Variants in CSMD1 observed in about 807,000 individuals in gnomAD.
The protein encoded by CSMD1 is CUB and sushi domain-containing protein 1.
A neutral mutation model predicts 417.5 loss-of-function variants in CSMD1; 213 were observed. The ratio of observed to expected loss-of-function variants is 0.51; its 90% CI spans 0.46 to 0.57. The LOEUF (loss-of-function observed/expected upper bound fraction) is 0.57, where lower values mean the gene tolerates loss of function less well. CSMD1 is among the 20% of genes least tolerant of loss of function. CSMD1 has a pLI of 0.00. For missense variants in CSMD1, 6,923 were observed against 4,529.7 expected, an observed-to-expected ratio of 1.53 and a Z score of -15.17; for synonymous variants, 2,862 against 1,736.8, an observed-to-expected ratio of 1.65 and a Z score of -16.11.
intron 10 of CSMD1, among the ~76,000 whole-genome samples, chr8:3,523,382 G>A (rs560408970): frequency 7.2e-5 from 11 of 152,154 alleles, no homozygotes; most frequent in Non-Finnish European, 1.3e-4. Context: ...AACTTTGAGG[G>A]ACAAAGAAAG....
At chr8:4,402,243 C>T (rs558891644) in intron 3 of CSMD1, among the ~76,000 whole-genome samples, 1 of 152,224 alleles carries the variant, frequency 6.6e-6, no homozygotes, top group South Asian at 2.1e-4. Context: ...TCATTCCCTC[C>T]AGGAACATCA....
At chr8:4,766,450 A>C (rs1198999292) in intron 1 of CSMD1, among the ~76,000 whole-genome samples, 1 of 152,210 alleles carries the variant, frequency 6.6e-6, no homozygotes, top group Non-Finnish European at 1.5e-5. Flanking sequence ...ACAGAAGGCT[A>C]ACGTGCTTTA....
At chr8:4,113,561 C>A (rs980571390) in intron 3 of CSMD1, among the ~76,000 whole-genome samples, 1 of 152,042 alleles carries the variant, frequency 6.6e-6, no homozygotes, top group African/African-American at 2.4e-5. Flanking sequence ...CGTGCCAGCA[C>A]ACCTGGCTAA....
At chr8:3,360,488 T>A (rs948116732) in intron 20 of CSMD1, among the ~76,000 whole-genome samples, 1 of 152,232 alleles carries the variant, frequency 6.6e-6, no homozygotes, top group Non-Finnish European at 1.5e-5. Flanking sequence ...GGTTTCCTCC[T>A]TCTTGCTGTT....
At chr8:3,676,352 G>T (rs867824965) in intron 7 of CSMD1, among the ~76,000 whole-genome samples, 2 of 152,078 alleles carry the variant, frequency 1.3e-5, no homozygotes, top group Non-Finnish European at 2.9e-5. Flanking sequence ...GTGGCCGCCC[G>T]CCAGGCAGGA....
chr8:3,762,351 G>C (rs1024807549), intron 5 of CSMD1, among the ~76,000 whole-genome samples: 1 of 152,178 alleles, frequency 6.6e-6, no homozygotes, highest in Non-Finnish European at 1.5e-5. Flanking sequence ...ATGTGTTGCA[G>C]TCTCAGGGAA....
At chr8:4,802,066 G>C (rs894190696) in intron 1 of CSMD1, among the ~76,000 whole-genome samples, 1 of 152,206 alleles carries the variant, frequency 6.6e-6, no homozygotes, top group Non-Finnish European at 1.5e-5. Flanking sequence ...ATATAGCCTA[G>C]TTGAAGTTGA....
chr8:3,700,062 C>G (rs1377431780), intron 7 of CSMD1, among the ~76,000 whole-genome samples: 1 of 152,120 alleles, frequency 6.6e-6, no homozygotes, highest in Non-Finnish European at 1.5e-5. Context: ...AGAAAATATG[C>G]CTGTCCTCAT....
At chr8:3,882,603 T>C (rs980111955) in intron 5 of CSMD1, among the ~76,000 whole-genome samples, 1 of 152,204 alleles carries the variant, frequency 6.6e-6, no homozygotes, top group Non-Finnish European at 1.5e-5. Context: ...GTAGCACTAT[T>C]TGTAACCTTT....
intron 5 of CSMD1, among the ~76,000 whole-genome samples, chr8:3,775,417 T>C (rs1798842554): frequency 1.3e-5 from 2 of 152,020 alleles, no homozygotes; most frequent in South Asian, 4.1e-4. Context: ...TACACAGCAA[T>C]TAAAAACAAG....
chr8:3,958,922 T>C (rs936832365), intron 5 of CSMD1, among the ~76,000 whole-genome samples: 20 of 152,228 alleles, frequency 1.3e-4, no homozygotes, highest in African/African-American at 4.8e-4. Flanking sequence ...TACAATCATT[T>C]GTGCAACTCA....
At chr8:3,709,913 G>T (rs2129040541) in intron 6 of CSMD1, among the ~76,000 whole-genome samples, 1 of 71,852 alleles carries the variant, frequency 1.4e-5, no homozygotes, top group South Asian at 6.5e-4. Flanking sequence ...AGTATATACA[G>T]GAGACCCCTG....
intron 5 of CSMD1, among the ~76,000 whole-genome samples, chr8:3,988,503 A>G (rs1814501917): frequency 6.6e-6 from 1 of 152,240 alleles, no homozygotes; most frequent in African/African-American, 2.4e-5. Context: ...AGCACCAACC[A>G]GAGCTGAACG....
At chr8:3,183,604 G>C (rs546998231) in intron 36 of CSMD1, among the ~76,000 whole-genome samples, 62 of 148,782 alleles carry the variant, frequency 4.2e-4, no homozygotes, top group Non-Finnish European at 5.8e-4. Flanking sequence ...ATATCGAGTA[G>C]GTCTCTAATG....
At chr8:3,136,185 C>G (rs992896948) in intron 41 of CSMD1, among the ~76,000 whole-genome samples, 2 of 151,824 alleles carry the variant, frequency 1.3e-5, no homozygotes, top group African/African-American at 4.8e-5. Flanking sequence ...GCTCTATTTT[C>G]ACAATTATAT....
At chr8:4,932,340 A>G (rs1355831338) in intron 1 of CSMD1, among the ~76,000 whole-genome samples, 13 of 6,210 alleles carry the variant, frequency 2.1e-3, no homozygotes, top group East Asian at 0.017. Context: ...ATATTTCTAG[A>G]AAAAAAAAAA....
chr8:4,034,209 T>C (rs1201309508), intron 3 of CSMD1, among the ~76,000 whole-genome samples: 1 of 151,946 alleles, frequency 6.6e-6, no homozygotes, highest in African/African-American at 2.4e-5. Flanking sequence ...AAAGTATTTT[T>C]ATTTATCATG....
At chr8:4,932,080 T>C (rs1028211150) in intron 1 of CSMD1, among the ~76,000 whole-genome samples, 2 of 151,764 alleles carry the variant, frequency 1.3e-5, no homozygotes, top group African/African-American at 2.4e-5. Context: ...ATAGCATGAA[T>C]GCATTTATTA....
intron 8 of CSMD1, among the ~76,000 whole-genome samples, chr8:3,602,203 G>A (rs1254707760): frequency 2.0e-5 from 3 of 152,092 alleles, no homozygotes; most frequent in Non-Finnish European, 4.4e-5. Context: ...TTCATGACTG[G>A]TCCATCTTCC....
Sources: allele counts gnomAD v4.1 joint callset (sites outside exome capture counted in the v4.1 genomes callset), GRCh38; gene constraint gnomAD v4.1.1; transcripts MANE v1.5; gene names NCBI Gene and HGNC (gene_info 2026-07-23, HGNC 2026-07-21).